The following LHFPL3 variants were observed in gnomAD, a reference collection of about 807,000 sequenced individuals.
The protein encoded by LHFPL3 is LHFPL tetraspan subfamily member 3 protein.
LHFPL3 carries 5 observed loss-of-function variants against 19.3 expected under a neutral mutation model. That is an observed-to-expected ratio of 0.26 (90% CI 0.14 to 0.54). The LOEUF is 0.54. LHFPL3 is among the 20% of genes least tolerant of loss of function. The pLI is 0.94. For missense variants in LHFPL3, 249 were observed against 307.4 expected, an observed-to-expected ratio of 0.81 and a Z score of 1.42; for synonymous variants, 133 against 126.2, an observed-to-expected ratio of 1.05 and a Z score of -0.36.
At chr7:104,501,842 G>A (rs62485115) in intron 1 of LHFPL3, among the ~76,000 whole-genome samples, 1,811 of 152,304 alleles carry the variant, frequency 0.012, 39 homozygotes, top group East Asian at 0.09. Flanking sequence ...TAGACTCTGC[G>A]ATTGAATTAG....
In LHFPL3 at chr7:104,906,451, T is replaced by C. The variant is rs1397585029; in HGVS notation, c.*236T>C. ...GATCATGGATTAAACACCAGCTCAT[T>C]GGAAACTCATTGGATGAGATCAGAA... On this transcript the variant is annotated 3_prime_UTR_variant, in exon 3 of 3. Coordinates refer to ENST00000424859, the MANE Select transcript of LHFPL3 (RefSeq NM_199000.3). 4 of 531,040 alleles carry C rather than the reference T, an allele frequency of 7.5e-6. No individual in the cohort carries two copies. Among genetic ancestry groups the C allele is most frequent in the Non-Finnish European group, 1.3e-5 (4 of 302,078 alleles). The allele number at this position is 531,040 out of a possible 1,614,324, so 32.9% of individuals were successfully genotyped here.
At chr7:104,807,011 ATGTGTGTGTGTGTGTGTGTG>A (rs10665231) in intron 2 of LHFPL3, among the ~76,000 whole-genome samples, 1 of 139,672 alleles carries the variant, frequency 7.2e-6, no homozygotes, top group Admixed American at 7.4e-5. Context: ...CAAAATATAT[ATGTGTGTGTGTGTGTGTGTG>A]TGTGTGTGTG....
intron 1 of LHFPL3, among the ~76,000 whole-genome samples, chr7:104,430,852 G>A (rs1299627125): frequency 6.6e-6 from 1 of 151,938 alleles, no homozygotes; most frequent in African/African-American, 2.4e-5. Flanking sequence ...CCCCATCTTT[G>A]CAGGTGCATA....
At chr7:104,385,250 C>T (rs1009700008) in intron 1 of LHFPL3, among the ~76,000 whole-genome samples, 9 of 152,194 alleles carry the variant, frequency 5.9e-5, no homozygotes, top group Non-Finnish European at 1.3e-4. Context: ...TGTTTCTCTG[C>T]CCATCCTGTA....
intron 2 of LHFPL3, among the ~76,000 whole-genome samples, chr7:104,774,824 G>A (rs186909744): frequency 9.2e-4 from 140 of 152,260 alleles, no homozygotes; most frequent in African/African-American, 3.3e-3. Context: ...GAGCATGCTG[G>A]ATTAAAGGCC....
intron 1 of LHFPL3, among the ~76,000 whole-genome samples, chr7:104,382,192 A>C (rs1435332356): frequency 6.6e-6 from 1 of 152,232 alleles, no homozygotes; most frequent in African/African-American, 2.4e-5. Context: ...CAGTATCTGC[A>C]TCACCAGGAA....
intron 1 of LHFPL3, among the ~76,000 whole-genome samples, chr7:104,470,993 C>T (rs372908912): frequency 6.6e-6 from 1 of 152,154 alleles, no homozygotes; most frequent in African/African-American, 2.4e-5. Context: ...CTTATTGAAG[C>T]TTTCTCAGTT....
chr7:104,661,124 A>G (rs1367734163), intron 1 of LHFPL3, among the ~76,000 whole-genome samples: 3 of 152,208 alleles, frequency 2.0e-5, no homozygotes, highest in Non-Finnish European at 4.4e-5. Context: ...GTGATGGTCC[A>G]TGACATCTCT....
rs568443536 is a variant in LHFPL3 at position 104,843,100 on chromosome 7, T to A, written c.683-63087T>A. Among the ~76,000 whole-genome samples, 5 of 152,244 alleles carry A rather than the reference T, an allele frequency of 3.3e-5. No homozygotes were observed. The South Asian group carries it at 1.0e-3, about 32-fold the overall frequency. On this transcript the variant is annotated intron_variant, in intron 2 of 2. Coordinates refer to ENST00000424859, the MANE Select transcript of LHFPL3 (RefSeq NM_199000.3). ...GCCATTCCTGGCAGCCCTAACCCCT[T>A]CCTGCAGCGTGGGGCAAGCTGTACT...
chr7:104,871,466 A>G (rs927257070), intron 2 of LHFPL3, among the ~76,000 whole-genome samples: 5 of 152,196 alleles, frequency 3.3e-5, no homozygotes, highest in African/African-American at 1.2e-4. Flanking sequence ...GTACACTACT[A>G]TAGACTTCGT....
intron 1 of LHFPL3, among the ~76,000 whole-genome samples, chr7:104,734,127 C>T (rs868008205): frequency 1.3e-5 from 2 of 152,126 alleles, no homozygotes; most frequent in African/African-American, 2.4e-5. Context: ...GTGGGTAACC[C>T]GACCTTTCTC....
At chr7:104,649,408 A>AG (rs1199766150) in intron 1 of LHFPL3, among the ~76,000 whole-genome samples, 1 of 152,170 alleles carries the variant, frequency 6.6e-6, no homozygotes, top group Non-Finnish European at 1.5e-5. Flanking sequence ...ACAATAACAG[A>AG]GTGGGGGAGA....
chr7:104,564,579 A>G (rs1210580976), intron 1 of LHFPL3, among the ~76,000 whole-genome samples: 2 of 152,226 alleles, frequency 1.3e-5, no homozygotes, highest in African/African-American at 4.8e-5. Context: ...CATGAGAAAG[A>G]AAGTAAACAG....
At position 104,649,387 on chromosome 7, in the gene LHFPL3, C is replaced by A. The variant is rs181206789; in HGVS notation, c.446-87288C>A. 5.3e-5 allele frequency among the ~76,000 whole-genome samples: 8 copies of A among 152,266 alleles called. No individual in the cohort carries two copies. The East Asian group carries it at 1.4e-3, about 26-fold the overall frequency. On this transcript the variant is annotated intron_variant, in intron 1 of 2. Coordinates refer to ENST00000424859, the MANE Select transcript of LHFPL3 (RefSeq NM_199000.3). ...GACTTCCCAGAGGAGGTGGCATGAA[C>A]CTCTTACCACACAATAACAGAGTGG...
chr7:104,804,628 C>A (rs1790318595), intron 2 of LHFPL3, among the ~76,000 whole-genome samples: 1 of 152,288 alleles, frequency 6.6e-6, no homozygotes, highest in Non-Finnish European at 1.5e-5. Context: ...AGCTTGCATG[C>A]TTTGATGAAG....
At chr7:104,559,457 T>C (rs1789936034) in intron 1 of LHFPL3, among the ~76,000 whole-genome samples, 1 of 149,788 alleles carries the variant, frequency 6.7e-6, no homozygotes, top group Middle Eastern at 3.4e-3. Context: ...GAATGGGAGA[T>C]CACTCATGAT....
At chr7:104,407,124 A>T (rs1302323065) in intron 1 of LHFPL3, among the ~76,000 whole-genome samples, 2 of 152,188 alleles carry the variant, frequency 1.3e-5, no homozygotes, top group Admixed American at 6.5e-5. Flanking sequence ...CTCGTACTGG[A>T]TACAAAAATA....
chr7:104,456,343 T>C (rs13238946), intron 1 of LHFPL3, among the ~76,000 whole-genome samples: 1 of 152,018 alleles, frequency 6.6e-6, no homozygotes, highest in South Asian at 2.1e-4. Context: ...ATTACTGATA[T>C]ATAACTTTTA....
At chr7:104,475,522 G>C (rs759160949) in intron 1 of LHFPL3, among the ~76,000 whole-genome samples, 8 of 152,240 alleles carry the variant, frequency 5.3e-5, no homozygotes, top group Middle Eastern at 3.4e-3. Context: ...TGGGTCTGTT[G>C]TGTAACAATA....
Sources: allele counts gnomAD v4.1 joint callset (sites outside exome capture counted in the v4.1 genomes callset), GRCh38; gene constraint gnomAD v4.1.1; transcripts MANE v1.5; gene names NCBI Gene and HGNC (gene_info 2026-07-23, HGNC 2026-07-21).